CNTN5: variants seen among roughly 807,000 people sequenced by gnomAD.
The protein encoded by CNTN5 is contactin 5, also known as contactin-5.
CNTN5 carries 77 observed loss-of-function variants against 129.1 expected under a neutral mutation model. That is an observed-to-expected ratio of 0.60 (90% CI 0.50 to 0.72). The LOEUF is 0.72. Ranked by LOEUF, CNTN5 falls within the 30% of genes least tolerant of loss-of-function variation. The pLI is 0.00. For synonymous variants in CNTN5, 509 were observed against 465.6 expected, an observed-to-expected ratio of 1.09 and a Z score of -1.20; for missense variants, 1,478 against 1,328.8, an observed-to-expected ratio of 1.11 and a Z score of -1.75.
chr11:99,041,805 T>C (rs1465889738), intron 1 of CNTN5, among the ~76,000 whole-genome samples: 2 of 152,164 alleles, frequency 1.3e-5, no homozygotes, highest in African/African-American at 2.4e-5. Context: ...TGGCTCTGAG[T>C]CAATGATAAT....
intron 6 of CNTN5, among the ~76,000 whole-genome samples, chr11:99,886,304 A>T (rs1285605849): frequency 2.0e-5 from 3 of 152,126 alleles, no homozygotes; most frequent in Non-Finnish European, 4.4e-5. Context: ...CTGACAAGTG[A>T]TTAGTAATCA....
intron 16 of CNTN5, among the ~76,000 whole-genome samples, chr11:100,226,712 G>T (rs980132744): frequency 6.6e-6 from 1 of 151,966 alleles, no homozygotes; most frequent in East Asian, 1.9e-4. Flanking sequence ...TTTCTTCCTG[G>T]TGAGTTTTAG....
At chr11:100,044,864 A>G (rs559072528) in intron 9 of CNTN5, among the ~76,000 whole-genome samples, 4 of 152,008 alleles carry the variant, frequency 2.6e-5, no homozygotes, top group Non-Finnish European at 4.4e-5. Context: ...TATACTGAGA[A>G]CTCAGAAAAG....
intron 2 of CNTN5, among the ~76,000 whole-genome samples, chr11:99,481,871 T>C (rs1003219410): frequency 1.8e-4 from 28 of 152,236 alleles, no homozygotes; most frequent in African/African-American, 6.5e-4. Flanking sequence ...TATACTGTTA[T>C]ATTTCTATAT....
At chr11:100,337,195 A>T in intron 21 of CNTN5, 1 of 1,535,116 alleles carries the variant, frequency 6.5e-7, no homozygotes, top group South Asian at 1.1e-5. Context: ...TGACACCAGC[A>T]GTGAAAACAC....
chr11:99,742,658 G>C (rs1565481836), intron 3 of CNTN5, among the ~76,000 whole-genome samples: 1 of 152,134 alleles, frequency 6.6e-6, no homozygotes. Flanking sequence ...AAGTATTAGA[G>C]ACTTGTGCAA....
chr11:99,505,138 G>A (rs984238508), intron 2 of CNTN5, among the ~76,000 whole-genome samples: 3 of 151,818 alleles, frequency 2.0e-5, no homozygotes, highest in Non-Finnish European at 2.9e-5. Flanking sequence ...CTCCCATTTC[G>A]CCCAAGTTAT....
At chr11:99,408,170 T>C (rs931242815) in intron 2 of CNTN5, among the ~76,000 whole-genome samples, 1 of 151,952 alleles carries the variant, frequency 6.6e-6, no homozygotes, top group Admixed American at 6.6e-5. Context: ...GCCCTCCTTT[T>C]AATTTCACTG....
chr11:99,905,459 G>A lies in CNTN5; in HGVS notation c.578-10595G>A, dbSNP rs142319135. Among the ~76,000 whole-genome samples the A allele has an allele frequency of 8.0e-3, 1,225 of 152,218 alleles. 7 individuals are homozygous for A. The highest frequency in any genetic ancestry group is 0.014 in the Non-Finnish European group (944 of 68,006). Reference sequence around the variant, plus strand: ...AAGACCAGATGGTTGTAGATGTGTGGCATTATAATTGAGGCCTCTGTTGTG... The same window carrying A: ...AAGACCAGATGGTTGTAGATGTGTGACATTATAATTGAGGCCTCTGTTGTG... On this transcript the variant is annotated intron_variant, in intron 6 of 24. Coordinates refer to ENST00000524871, the MANE Select transcript of CNTN5 (RefSeq NM_014361.4).
rs532133105 is a variant in CNTN5, at chr11:99,578,514, C to T, written c.55+22245C>T. ...TGTTGTTTCCTGACTTTTTAATGAT[C>T]GCCATTCTAACTGGTGTCAGATGGT... On this transcript the variant is annotated intron_variant, in intron 3 of 24. Transcript: ENST00000524871. 2.8e-3 allele frequency among the ~76,000 whole-genome samples: 422 copies of T among 150,778 alleles called. 3 individuals are homozygous for T. The highest frequency in any genetic ancestry group is 9.3e-3 in the African/African-American group (379 of 40,794).
At chr11:99,418,266 A>G (rs1504740) in intron 2 of CNTN5, among the ~76,000 whole-genome samples, 152,119 of 152,236 alleles carry the variant, frequency 1, 76,001 homozygotes, top group Middle Eastern at 1. Context: ...AAGAACCAAC[A>G]TGAAAACAAC....
At chr11:99,724,641 G>T (rs1485219096) in intron 3 of CNTN5, among the ~76,000 whole-genome samples, 1 of 152,188 alleles carries the variant, frequency 6.6e-6, no homozygotes. Context: ...ACTGAGACTT[G>T]AATCCAGACA....
intron 9 of CNTN5, among the ~76,000 whole-genome samples, chr11:100,045,883 C>G (rs1411256844): frequency 6.6e-6 from 1 of 152,064 alleles, no homozygotes; most frequent in African/African-American, 2.4e-5. Flanking sequence ...AAAAGGATGA[C>G]AGTTATCTCT....
intron 1 of CNTN5, among the ~76,000 whole-genome samples, chr11:99,197,326 C>T (rs1049834116): frequency 1.3e-5 from 2 of 151,866 alleles, no homozygotes; most frequent in Non-Finnish European, 2.9e-5. Context: ...AGATACCTAC[C>T]TAAAAATGTA....
chr11:100,314,842 G>A (rs937464006), intron 21 of CNTN5, among the ~76,000 whole-genome samples: 2 of 152,056 alleles, frequency 1.3e-5, no homozygotes, highest in Non-Finnish European at 2.9e-5. Context: ...CTGACCCTAA[G>A]TTGGCAGTCA....
intron 7 of CNTN5, among the ~76,000 whole-genome samples, chr11:99,947,465 G>A (rs552409666): frequency 2.0e-5 from 3 of 151,812 alleles, no homozygotes; most frequent in Admixed American, 6.6e-5. Flanking sequence ...GCATGGCAAC[G>A]TGACAAATAA....
intron 1 of CNTN5, among the ~76,000 whole-genome samples, chr11:99,079,977 G>A (rs545867467): frequency 2.1e-4 from 32 of 152,234 alleles, no homozygotes; most frequent in African/African-American, 7.0e-4. Context: ...ACTATGTGTG[G>A]ACAGGAACAG....
chr11:99,158,072 T>A (rs1860421626), intron 1 of CNTN5, among the ~76,000 whole-genome samples: 1 of 152,178 alleles, frequency 6.6e-6, no homozygotes. Context: ...AGACAGTGAC[T>A]AGGCACGGAA....
At chr11:99,268,732 A>C (rs541552474) in intron 1 of CNTN5, among the ~76,000 whole-genome samples, 8 of 152,150 alleles carry the variant, frequency 5.3e-5, no homozygotes, top group African/African-American at 1.7e-4. Context: ...CCTTACAAAA[A>C]ATATGGATAT....
Sources: gnomAD v4.1 joint callset for allele counts (sites outside exome capture counted in the v4.1 genomes callset) on GRCh38, gnomAD v4.1.1 for gene constraint, MANE v1.5 for transcripts, NCBI Gene and HGNC (gene_info 2026-07-23, HGNC 2026-07-21) for gene names.